Variants in PSD3 observed in about 807,000 individuals in gnomAD.
PSD3 encodes the protein pleckstrin and Sec7 domain containing 3, also known as PH and SEC7 domain-containing protein 3.
Under a neutral mutation model 105.5 loss-of-function variants are expected in PSD3, and 49 were observed. The ratio of observed to expected loss-of-function variants is 0.46; its 90% CI spans 0.37 to 0.59. PSD3 has a LOEUF of 0.59. PSD3 is among the 20% of genes least tolerant of loss of function. PSD3 has a pLI of 0.00. For missense variants in PSD3, 1,561 were observed against 1,263.8 expected (o/e 1.24, Z -3.57); for synonymous variants, 557 against 457.8 (o/e 1.22, Z -2.77).
At chr8:18,766,492 G>A (rs1456826181) in intron 8 of PSD3, among the ~76,000 whole-genome samples, 4 of 151,970 alleles carry the variant, frequency 2.6e-5, no homozygotes, top group East Asian at 1.9e-4. Context: ...TTGAAAAACC[G>A]ACGCTACATT....
intron 10 of PSD3, among the ~76,000 whole-genome samples, chr8:18,640,002 GCCA>G (rs1461497623): frequency 6.6e-6 from 1 of 152,090 alleles, no homozygotes; most frequent in Non-Finnish European, 1.5e-5. Context: ...GTAAATACAA[GCCA>G]TGCAAAGCCT....
At chr8:18,999,626 C>T (rs1340162999) in intron 1 of PSD3, among the ~76,000 whole-genome samples, 1 of 151,774 alleles carries the variant, frequency 6.6e-6, no homozygotes, top group Non-Finnish European at 1.5e-5. Flanking sequence ...GAGAATTCTA[C>T]TGACAAATTT....
chr8:18,700,134 T>C (rs1358117034), intron 9 of PSD3, among the ~76,000 whole-genome samples: 2 of 152,156 alleles, frequency 1.3e-5, no homozygotes, highest in Non-Finnish European at 2.9e-5. Context: ...GAACCTGAAA[T>C]TAGCAACCAT....
chr8:18,558,948 T>C (rs1484735697), intron 14 of PSD3, among the ~76,000 whole-genome samples: 1 of 152,230 alleles, frequency 6.6e-6, no homozygotes, highest in East Asian at 1.9e-4. Context: ...TATCTACATG[T>C]ATGCTCTAGT....
chr8:18,657,263 T>C (rs571116140), intron 9 of PSD3, among the ~76,000 whole-genome samples: 7 of 152,190 alleles, frequency 4.6e-5, no homozygotes, highest in Admixed American at 2.0e-4. Context: ...TGCACACCAA[T>C]AGTAAATTCA....
At chr8:18,806,132 A>G (rs956513125) in intron 4 of PSD3, among the ~76,000 whole-genome samples, 1 of 152,150 alleles carries the variant, frequency 6.6e-6, no homozygotes, top group African/African-American at 2.4e-5. Context: ...TTCATCAAGG[A>G]TTTTTTTAAA....
At chr8:18,683,254 C>T (rs1263007526) in intron 9 of PSD3, among the ~76,000 whole-genome samples, 18 of 152,112 alleles carry the variant, frequency 1.2e-4, no homozygotes, top group Admixed American at 1.1e-3. Context: ...ATTACATATG[C>T]CTGGGGCTAA....
At chr8:18,977,677 G>A (rs1378164876) in intron 1 of PSD3, among the ~76,000 whole-genome samples, 1 of 152,046 alleles carries the variant, frequency 6.6e-6, no homozygotes, top group African/African-American at 2.4e-5. Flanking sequence ...ACAGCCCAAA[G>A]TCATTTTTAT....
chr8:19,002,888 A>G (rs1283034661), intron 1 of PSD3, among the ~76,000 whole-genome samples: 1 of 152,026 alleles, frequency 6.6e-6, no homozygotes, highest in Non-Finnish European at 1.5e-5. Flanking sequence ...ATCACAGTCT[A>G]GGGTACAAGA....
chr8:18,817,943 C>A (rs951434963), intron 4 of PSD3, among the ~76,000 whole-genome samples: 1 of 152,068 alleles, frequency 6.6e-6, no homozygotes, highest in Non-Finnish European at 1.5e-5. Context: ...ATATGCATTA[C>A]GTTTTTTGTT....
At position 18,765,475 on chromosome 8, in the gene PSD3, C is replaced by A; in HGVS notation, c.2146G>T (p.Val716Phe). ...IANLQGVNEG[V>F]DFSKDLLKAL... ...TTCAGCAGATCCTTGGAGAAATCAA[C>A]ACCCTCATTTACCCCTTGCAGATTT... The change falls in exon 9 of 16, where the codon GTT becomes TTT. Residue 716 changes from valine to phenylalanine, a missense_variant. By Grantham distance (50) the Val-to-Phe change is conservative. Transcript: ENST00000327040. 6.2e-7 allele frequency: 1 copy of A among 1,612,568 alleles called. No homozygotes were observed. Among genetic ancestry groups the A allele is most frequent in the Non-Finnish European group, 8.5e-7 (1 of 1,178,580 alleles).
At chr8:18,717,565 G>C (rs892463930) in intron 9 of PSD3, among the ~76,000 whole-genome samples, 5 of 152,018 alleles carry the variant, frequency 3.3e-5, no homozygotes, top group African/African-American at 9.6e-5. Flanking sequence ...TGCAGAAAGG[G>C]AATCAATTTT....
At chr8:18,995,969 G>A (rs1826060477) in intron 1 of PSD3, among the ~76,000 whole-genome samples, 1 of 151,884 alleles carries the variant, frequency 6.6e-6, no homozygotes, top group Non-Finnish European at 1.5e-5. Flanking sequence ...TCACCTAGTA[G>A]CTTGTTAAAC....
At chr8:18,664,380 G>T (rs1004716898) in intron 9 of PSD3, among the ~76,000 whole-genome samples, 1 of 152,206 alleles carries the variant, frequency 6.6e-6, no homozygotes, top group Non-Finnish European at 1.5e-5. Flanking sequence ...CTGGATAGAA[G>T]ATCAAACTAG....
At chr8:18,956,272 G>C (rs183486418) in intron 1 of PSD3, among the ~76,000 whole-genome samples, 1 of 152,122 alleles carries the variant, frequency 6.6e-6, no homozygotes, top group Non-Finnish European at 1.5e-5. Flanking sequence ...AAGAGATCAG[G>C]GCTTCTCAAA....
At chr8:18,740,904 C>T (rs1002206270) in intron 9 of PSD3, among the ~76,000 whole-genome samples, 2 of 152,206 alleles carry the variant, frequency 1.3e-5, no homozygotes, top group African/African-American at 4.8e-5. Flanking sequence ...TTCCCAGTGA[C>T]TTCCGGCTTT....
intron 9 of PSD3, among the ~76,000 whole-genome samples, chr8:18,692,948 G>A (rs1055239129): frequency 7.9e-5 from 12 of 152,104 alleles, no homozygotes; most frequent in Admixed American, 1.3e-4. Flanking sequence ...ATTCACTACC[G>A]GGGGTAGAAT....
chr8:18,648,850 A>C (rs1447661645), intron 10 of PSD3, among the ~76,000 whole-genome samples: 1 of 152,252 alleles, frequency 6.6e-6, no homozygotes. Flanking sequence ...GCCAAGGTAC[A>C]GCTCAAGCTG....
intron 9 of PSD3, among the ~76,000 whole-genome samples, chr8:18,687,810 A>G (rs1039334268): frequency 2.0e-5 from 3 of 152,096 alleles, no homozygotes; most frequent in South Asian, 2.1e-4. Flanking sequence ...TCCATCGCCC[A>G]GGCTGGAGTA....
Sources: gnomAD v4.1 joint callset for allele counts (sites outside exome capture counted in the v4.1 genomes callset) on GRCh38, gnomAD v4.1.1 for gene constraint, MANE v1.5 for transcripts, NCBI Gene and HGNC (gene_info 2026-07-23, HGNC 2026-07-21) for gene names.